Variants in ORC4 observed in about 807,000 individuals in gnomAD.
ORC4 encodes origin recognition complex subunit 4.
Under a neutral mutation model 63.9 loss-of-function variants are expected in ORC4, and 55 were observed. That is an observed-to-expected ratio of 0.86 (90% CI 0.69 to 1.08). The LOEUF is 1.08. Among genes scored for constraint, ORC4 ranks in the 50% least tolerant of loss-of-function variants. ORC4 has a pLI of 0.00. For missense variants in ORC4, 511 were observed against 504.4 expected, an observed-to-expected ratio of 1.01 and a Z score of -0.13; for synonymous variants, 150 against 168.5, an observed-to-expected ratio of 0.89 and a Z score of 0.85.
At chr2:147,992,023 C>G (rs13394568) in intron 1 of ORC4, among the ~76,000 whole-genome samples, 1 of 152,032 alleles carries the variant, frequency 6.6e-6, no homozygotes, top group African/African-American at 2.4e-5. Context: ...AACAAAAGAA[C>G]TAACACAAAT....
At chr2:147,948,910 T>A (rs1240031585) in intron 8 of ORC4, among the ~76,000 whole-genome samples, 2 of 149,844 alleles carry the variant, frequency 1.3e-5, no homozygotes, top group Non-Finnish European at 3.0e-5. Flanking sequence ...TCTTCCTAAG[T>A]CACATATATT....
chr2:147,961,727 G>A (rs1024255624), intron 4 of ORC4, among the ~76,000 whole-genome samples: 1 of 152,110 alleles, frequency 6.6e-6, no homozygotes, highest in Non-Finnish European at 1.5e-5. Flanking sequence ...CCACAATAGG[G>A]CTCTGGTTTA....
intron 1 of ORC4, among the ~76,000 whole-genome samples, chr2:148,004,063 G>T (rs1692471311): frequency 6.6e-6 from 1 of 152,216 alleles, no homozygotes; most frequent in Admixed American, 6.5e-5. Flanking sequence ...GGATGTGAAG[G>T]ACCGCTTCAA....
rs756471983 is a variant in ORC4, at chr2:147,938,133, A to T, written c.1122+13T>A. On this transcript the variant is annotated intron_variant, in intron 13 of 13. Transcript: ENST00000392857. ...ACTTGTCTGTAGAAAAATGACAGCA[A>T]ACTAAATCTTACCTTCATGACAACA... 6.3e-7 allele frequency: 1 copy of T among 1,581,312 alleles called. No homozygotes were observed.
intron 1 of ORC4, among the ~76,000 whole-genome samples, chr2:148,008,907 T>G (rs985372608): frequency 1.3e-5 from 2 of 152,148 alleles, no homozygotes; most frequent in African/African-American, 2.4e-5. Context: ...ATTCGAGTGC[T>G]ATTTCTTTTG....
intron 8 of ORC4, chr2:147,951,320 G>A (rs1031735713): frequency 3.9e-5 from 6 of 152,258 alleles, no homozygotes; most frequent in African/African-American, 1.4e-4. Context: ...TGAGAAAAGA[G>A]ACAACTTTGC....
chr2:147,989,120 C>T lies in ORC4; in HGVS notation c.-17-13145G>A, dbSNP rs375038312. The stretch of plus-strand genomic sequence containing the variant: ...AAGCTTGAGGGTTGCAACCAAGGAG[C>T]ATAAATTCAAGTTGCCCTGAATATG... On this transcript the variant is annotated intron_variant, in intron 1 of 13. Coordinates refer to ENST00000392857, the MANE Select transcript of ORC4 (RefSeq NM_181741.4). Among the ~76,000 whole-genome samples the T allele has an allele frequency of 2.6e-5, 4 of 152,134 alleles. No individual in the cohort carries two copies. In the East Asian group the frequency reaches 7.7e-4, roughly 29 times the overall value.
intron 1 of ORC4, among the ~76,000 whole-genome samples, chr2:148,005,678 A>C (rs1007461611): frequency 2.6e-5 from 4 of 151,076 alleles, no homozygotes; most frequent in African/African-American, 4.9e-5. Flanking sequence ...AAAAAAAAAA[A>C]AACAACCTTC....
chr2:147,999,729 C>A (rs1398067835), intron 1 of ORC4, among the ~76,000 whole-genome samples: 3 of 152,154 alleles, frequency 2.0e-5, no homozygotes, highest in South Asian at 4.1e-4. Flanking sequence ...CCACAAAATG[C>A]CCAGCCATAT....
chr2:147,993,952 T>C (rs1407268943), intron 1 of ORC4, among the ~76,000 whole-genome samples: 1 of 152,174 alleles, frequency 6.6e-6, no homozygotes, highest in Non-Finnish European at 1.5e-5. Flanking sequence ...ATTATGCACG[T>C]AGAAAATCCC....
chr2:147,950,811 T>A (rs1334880890), intron 8 of ORC4, among the ~76,000 whole-genome samples: 1 of 150,850 alleles, frequency 6.6e-6, no homozygotes, highest in Non-Finnish European at 1.5e-5. Flanking sequence ...TTGAAAGAAC[T>A]ACACAGTTGG....
rs1382420134 is a variant in ORC4 at position 147,973,437 on chromosome 2, G to A, written c.134+11C>T. ...TAGGTCCATAACAGTCAAGAGGACA[G>A]CTAGACTTACTTGTATTGTACTTGC... is the stretch of plus-strand genomic sequence containing the variant. On this transcript the variant is annotated intron_variant, in intron 3 of 13. Transcript: ENST00000392857. 2.0e-6 allele frequency: 3 copies of A among 1,536,572 alleles called. No homozygotes were observed. Among genetic ancestry groups the A allele is most frequent in the Non-Finnish European group, 1.8e-6 (2 of 1,109,728 alleles).
intron 1 of ORC4, among the ~76,000 whole-genome samples, chr2:147,989,534 C>T (rs1156243613): frequency 6.6e-6 from 1 of 152,130 alleles, no homozygotes; most frequent in East Asian, 1.9e-4. Flanking sequence ...GGTGAAACTC[C>T]ATCTCTACTA....
chr2:147,934,807 T>C lies in ORC4; in HGVS notation c.*703A>G, dbSNP rs1687952686. The C allele has an allele frequency of 6.6e-6, 1 of 152,336 alleles. No individual in the cohort carries two copies. The highest frequency in any genetic ancestry group is 1.9e-4 in the East Asian group (1 of 5,184). The allele number at this position is 152,336 out of a possible 1,614,324, so 9.4% of individuals were successfully genotyped here. A position where few individuals can be genotyped will look rare whatever the true frequency, so the allele number is the denominator to read the frequency against. ...TGAGACCACCCTTTATACAATGTCA[T>C]TGACCAAAATGTTACGTGGTGCCAT... On this transcript the variant is annotated 3_prime_UTR_variant, in exon 14 of 14. Transcript: ENST00000392857.
chr2:148,020,249 TAC>T (rs926258884), intron 1 of ORC4, among the ~76,000 whole-genome samples: 10 of 152,202 alleles, frequency 6.6e-5, no homozygotes, highest in African/African-American at 2.4e-4. Flanking sequence ...TCAAAATGCA[TAC>T]AGAGGACTTG....
chr2:147,968,091 T>C (rs1690001768), intron 4 of ORC4, among the ~76,000 whole-genome samples: 1 of 151,944 alleles, frequency 6.6e-6, no homozygotes, highest in Non-Finnish European at 1.5e-5. Context: ...AAACTGGATA[T>C]GCAGAAGAAT....
chr2:147,976,369 T>C (rs1037830214), intron 1 of ORC4, among the ~76,000 whole-genome samples: 3 of 152,240 alleles, frequency 2.0e-5, no homozygotes, highest in Non-Finnish European at 4.4e-5. Flanking sequence ...ATGCTACTAC[T>C]GCACACTTAG....
intron 13 of ORC4, 31 bp from the exon 14 acceptor site, chr2:147,935,729 A>G (rs1358114164): frequency 1.3e-6 from 2 of 1,573,768 alleles, no homozygotes; most frequent in Admixed American, 1.7e-5. Flanking sequence ...TTTAGGTTGA[A>G]TAGGAGAGGA....
intron 4 of ORC4, among the ~76,000 whole-genome samples, chr2:147,959,767 A>C (rs759571864): frequency 6.6e-6 from 1 of 152,170 alleles, no homozygotes; most frequent in Non-Finnish European, 1.5e-5. Context: ...AGGGAATTCC[A>C]GGTCCTCTGA....
Sources: gnomAD v4.1 joint callset for allele counts (sites outside exome capture counted in the v4.1 genomes callset) on GRCh38, gnomAD v4.1.1 for gene constraint, MANE v1.5 for transcripts, NCBI Gene and HGNC (gene_info 2026-07-23, HGNC 2026-07-21) for gene names.